ST18: variants seen among roughly 807,000 people sequenced by gnomAD.
ST18 encodes suppression of tumorigenicity 18 protein.
In ST18, 50 loss-of-function variants were observed where a neutral mutation model predicts 110.0. That is an observed-to-expected ratio of 0.45 (90% CI 0.36 to 0.58). ST18 has a LOEUF of 0.58. ST18 is among the 20% of genes least tolerant of loss of function. ST18 has a pLI of 0.00. For synonymous variants in ST18, 461 were observed against 452.4 expected, an observed-to-expected ratio of 1.02 and a Z score of -0.24; for missense variants, 1,306 against 1,280.1, an observed-to-expected ratio of 1.02 and a Z score of -0.31.
chr8:52,332,691 A>G (rs1018325886), intron 2 of ST18, among the ~76,000 whole-genome samples: 3 of 151,968 alleles, frequency 2.0e-5, no homozygotes, highest in African/African-American at 7.2e-5. Flanking sequence ...TCTTTACTAA[A>G]AATACAAAAA....
intron 15 of ST18, among the ~76,000 whole-genome samples, chr8:52,155,431 C>T (rs4483176): frequency 6.6e-6 from 1 of 152,232 alleles, no homozygotes; most frequent in African/African-American, 2.4e-5. Context: ...TCTTCTGCCT[C>T]TGGGACATAA....
chr8:52,382,545 G>T (rs1834956496), intron 2 of ST18, among the ~76,000 whole-genome samples: 2 of 152,084 alleles, frequency 1.3e-5, no homozygotes, highest in South Asian at 4.1e-4. Context: ...TATTCTTTTT[G>T]TATAGCAGAA....
At chr8:52,379,151 T>C (rs1833547059) in intron 2 of ST18, among the ~76,000 whole-genome samples, 1 of 150,590 alleles carries the variant, frequency 6.6e-6, no homozygotes, top group African/African-American at 2.4e-5. Flanking sequence ...CAGGCTGAAG[T>C]GCAGTGGCTC....
At chr8:52,162,013 C>T (rs1267244848) in intron 13 of ST18, among the ~76,000 whole-genome samples, 3 of 152,158 alleles carry the variant, frequency 2.0e-5, no homozygotes, top group Non-Finnish European at 2.9e-5. Context: ...AGTTCGAGAC[C>T]AGCCTGGCCA....
At chr8:52,285,465 G>A (rs1395872149) in intron 2 of ST18, among the ~76,000 whole-genome samples, 3 of 152,098 alleles carry the variant, frequency 2.0e-5, no homozygotes, top group Non-Finnish European at 2.9e-5. Context: ...TGTCATTTGT[G>A]CCCAACCTCT....
chr8:52,305,117 G>T (rs904147796), intron 2 of ST18, among the ~76,000 whole-genome samples: 6 of 152,104 alleles, frequency 3.9e-5, no homozygotes, highest in African/African-American at 9.7e-5. Context: ...AAATTCTAGG[G>T]TCTGGCTCAT....
chr8:52,142,898 T>C (rs1188789761), intron 17 of ST18, 32 bp downstream of exon 17: 1 of 1,443,712 alleles, frequency 6.9e-7, no homozygotes, highest in Admixed American at 1.7e-5. Flanking sequence ...CATTCCAGAA[T>C]CTTAGAGGGC....
At chr8:52,346,064 A>G (rs1023164537) in intron 2 of ST18, among the ~76,000 whole-genome samples, 2 of 152,012 alleles carry the variant, frequency 1.3e-5, no homozygotes, top group African/African-American at 2.4e-5. Flanking sequence ...TTCAGGGAAC[A>G]TAATAAAAAT....
At chr8:52,300,659 A>G (rs2095706663) in intron 2 of ST18, among the ~76,000 whole-genome samples, 1 of 152,256 alleles carries the variant, frequency 6.6e-6, no homozygotes, top group Admixed American at 6.5e-5. Flanking sequence ...CATGAAAATT[A>G]TATGAAATTT....
At chr8:52,281,521 C>T (rs990609895) in intron 2 of ST18, among the ~76,000 whole-genome samples, 1 of 152,090 alleles carries the variant, frequency 6.6e-6, no homozygotes, top group Non-Finnish European at 1.5e-5. Flanking sequence ...CCTGAACAAC[C>T]TTATATTTGA....
intron 23 of ST18, among the ~76,000 whole-genome samples, chr8:52,119,782 C>T (rs1375020990): frequency 6.6e-6 from 1 of 152,148 alleles, no homozygotes; most frequent in Non-Finnish European, 1.5e-5. Context: ...TCACATACAG[C>T]ATGATAAAAC....
chr8:52,146,474 C>CT lies in ST18; in HGVS notation c.2052+3257dup, dbSNP rs541704193. Among the ~76,000 whole-genome samples the CT allele has an allele frequency of 6.6e-5, 10 of 151,304 alleles. No individual in the cohort carries two copies. In the South Asian group the frequency reaches 1.5e-3, roughly 22 times the overall value. On this transcript the variant is annotated intron_variant, in intron 16 of 25. Coordinates refer to ENST00000689386, the MANE Select transcript of ST18 (RefSeq NM_001352837.2). ...TCCTTTTCCTCATTTACCTTCTTCT[C>CT]TTTTTTTTCTTTGTTGTAGGGAATT...
In ST18 at chr8:52,362,564, T is replaced by C. The variant is rs1231634862; in HGVS notation, c.-465+46764A>G. Among the ~76,000 whole-genome samples, 6 of 152,212 alleles carry C rather than the reference T, an allele frequency of 3.9e-5. No homozygotes were observed. In the East Asian group the frequency reaches 9.6e-4, roughly 24 times the overall value. On this transcript the variant is annotated intron_variant, in intron 2 of 25. Coordinates refer to ENST00000689386, the MANE Select transcript of ST18 (RefSeq NM_001352837.2). ...GGGGAATAAATGAGCTAATTAACAC[T>C]TAGGGCAATGTTTGGCACACAGACT...
intron 2 of ST18, among the ~76,000 whole-genome samples, chr8:52,230,807 G>T (rs902759063): frequency 6.0e-5 from 3 of 49,754 alleles, no homozygotes; most frequent in Non-Finnish European, 1.1e-4. Context: ...CGAACCCTTG[G>T]AAAGAGGCGA....
intron 2 of ST18, among the ~76,000 whole-genome samples, chr8:52,408,608 A>G (rs1391650449): frequency 6.6e-6 from 1 of 152,238 alleles, no homozygotes; most frequent in Non-Finnish European, 1.5e-5. Context: ...CAAGAAACTC[A>G]TCTACAATCC....
chr8:52,114,273 C>T (rs779731178), intron 25 of ST18, among the ~76,000 whole-genome samples: 1 of 152,018 alleles, frequency 6.6e-6, no homozygotes, highest in Non-Finnish European at 1.5e-5. Flanking sequence ...CTTGGCCTCC[C>T]TGTTCTTTTT....
rs2084916642 is a variant in ST18, at chr8:52,217,727, T to A, written c.-1+19A>T. On this transcript the variant is annotated intron_variant, in intron 6 of 25. Transcript: ENST00000689386. ...GAATTTGGAAAGCTCTCATTTAATA[T>A]CTTTATGTACTTACAAACCTATAAA... 1 of 152,212 alleles carries A rather than the reference T, an allele frequency of 6.6e-6. No homozygotes were observed. The allele number at this position is 152,212 out of a possible 1,614,324, so 9.4% of individuals were successfully genotyped here.
chr8:52,320,146 A>T (rs1803241342), intron 2 of ST18, among the ~76,000 whole-genome samples: 1 of 152,212 alleles, frequency 6.6e-6, no homozygotes. Flanking sequence ...TTAAAGATAC[A>T]GTGTTAAGTA....
intron 2 of ST18, among the ~76,000 whole-genome samples, chr8:52,288,981 C>T (rs773151424): frequency 6.6e-6 from 1 of 152,214 alleles, no homozygotes; most frequent in Non-Finnish European, 1.5e-5. Context: ...GGTCCTGGAA[C>T]CTTTCTCCAT....
Sources: gnomAD v4.1 joint callset for allele counts (sites outside exome capture counted in the v4.1 genomes callset) on GRCh38, gnomAD v4.1.1 for gene constraint, MANE v1.5 for transcripts, NCBI Gene and HGNC (gene_info 2026-07-23, HGNC 2026-07-21) for gene names.